SHANK2: variants seen among roughly 807,000 people sequenced by gnomAD.
The protein encoded by SHANK2 is SH3 and multiple ankyrin repeat domains 2.
In SHANK2, 43 loss-of-function variants were observed where a neutral mutation model predicts 133.7. That is an observed-to-expected ratio of 0.32 (90% confidence interval 0.25 to 0.41). SHANK2 has a LOEUF of 0.41. Ranked by LOEUF, SHANK2 falls within the 10% of genes least tolerant of loss-of-function variation. The probability of loss-of-function intolerance (pLI) is 1.00; values close to 1 mark genes in which losing one functional copy is unlikely to be tolerated. For synonymous variants in SHANK2, 1,017 were observed against 952.8 expected (o/e 1.07, Z -1.24); for missense variants, 1,994 against 2,235.8 (o/e 0.89, Z 2.18).
rs921699569 is a variant in SHANK2 at position 71,115,195 on chromosome 11, G to A, written c.412-1831C>T. 2.6e-5 allele frequency among the ~76,000 whole-genome samples: 4 copies of A among 152,302 alleles called. No individual in the cohort carries two copies. The South Asian group carries it at 6.2e-4, about 24-fold the overall frequency. On this transcript the variant is annotated intron_variant, in intron 4 of 25. Transcript: ENST00000601538. ...GTATCGGCATCAATTTTGGCCGGGC[G>A]TGGTGGCTCACGCCTGTAATCCCAG... is the stretch of plus-strand genomic sequence containing the variant.
intron 14 of SHANK2, among the ~76,000 whole-genome samples, chr11:70,737,682 AGCCCGG>A (rs1190197903): frequency 6.6e-6 from 1 of 152,204 alleles, no homozygotes; most frequent in African/African-American, 2.4e-5. Flanking sequence ...TAGGACGGGC[AGCCCGG>A]GGCAGGGCTG....
At chr11:70,855,556 T>C (rs1949156264) in intron 11 of SHANK2, among the ~76,000 whole-genome samples, 1 of 152,150 alleles carries the variant, frequency 6.6e-6, no homozygotes, top group Admixed American at 6.5e-5. Context: ...CTTCAACAGC[T>C]CCCATGGTTA....
At chr11:71,086,093 AAAT>A (rs1205329412) in intron 8 of SHANK2, among the ~76,000 whole-genome samples, 21 of 9,540 alleles carry the variant, frequency 2.2e-3, no homozygotes, top group Non-Finnish European at 4.5e-3. Context: ...ATAATATATT[AAAT>A]TATATAATAT....
chr11:70,614,793 T>TGGGGTGAGCCTCTGAGCCC (rs1554995446), intron 17 of SHANK2, among the ~76,000 whole-genome samples: 2 of 152,238 alleles, frequency 1.3e-5, no homozygotes, highest in East Asian at 1.9e-4. Context: ...CCTCTGAGCC[T>TGGGGTGAGCCTCTGAGCCC]GGGGTGAGCC....
chr11:70,588,483 G>T (rs560511556), intron 17 of SHANK2, among the ~76,000 whole-genome samples: 7 of 152,302 alleles, frequency 4.6e-5, no homozygotes, highest in African/African-American at 1.7e-4. Context: ...ATAAGAAACT[G>T]GAACAACCAT....
In SHANK2 at chr11:70,486,580, G is replaced by GCCTCCCCTTTGGGTC. The variant is rs2058809286; in HGVS notation, c.3698_3712dup (p.Gly1233_Glu1237dup). 1.2e-6 allele frequency: 2 copies of GCCTCCCCTTTGGGTC among 1,613,892 alleles called. No homozygotes were observed. Among genetic ancestry groups the GCCTCCCCTTTGGGTC allele is most frequent in the Admixed American group, 3.3e-5 (2 of 60,012 alleles). On this transcript the variant is annotated inframe_insertion, in exon 25 of 26. Coordinates refer to ENST00000601538, the MANE Select transcript of SHANK2 (RefSeq NM_012309.5). The surrounding 1 kb of genome is among the most constrained non-coding windows in gnomAD (Gnocchi z 8.0). ...AGGTTTGTTGAGGTCGGCCTTGGGG[G>GCCTCCCCTTTGGGTC]CCTCCCCTTTGGGTCCCTGTTGAGA... is the stretch of plus-strand genomic sequence containing the variant.
At chr11:71,077,912 C>G (rs903705491) in intron 8 of SHANK2, among the ~76,000 whole-genome samples, 6 of 152,228 alleles carry the variant, frequency 3.9e-5, no homozygotes, top group Admixed American at 1.3e-4. Context: ...TAGAAACTCA[C>G]GGTTCCTAAT....
At chr11:70,513,045 A>G (rs1332622621) in intron 17 of SHANK2, among the ~76,000 whole-genome samples, 3 of 152,358 alleles carry the variant, frequency 2.0e-5, no homozygotes, top group African/African-American at 7.2e-5. Flanking sequence ...CAAACCAACA[A>G]ATAAATTCTC....
chr11:70,520,151 C>T (rs1246797390), intron 17 of SHANK2, among the ~76,000 whole-genome samples: 4 of 152,140 alleles, frequency 2.6e-5, no homozygotes, highest in Non-Finnish European at 5.9e-5. Flanking sequence ...CACACTGTTT[C>T]CCCTATTATT....
chr11:70,518,180 G>C (rs2059288757), intron 17 of SHANK2, among the ~76,000 whole-genome samples: 1 of 152,174 alleles, frequency 6.6e-6, no homozygotes, highest in Non-Finnish European at 1.5e-5. Context: ...CAGCCCCTGG[G>C]GCGATCATAT....
At chr11:71,109,053 A>G (rs782578356) in intron 6 of SHANK2, among the ~76,000 whole-genome samples, 1 of 152,206 alleles carries the variant, frequency 6.6e-6, no homozygotes. Flanking sequence ...TGACACCAGT[A>G]TGTGATGATG....
chr11:71,061,467 G>C (rs908541899), intron 9 of SHANK2, among the ~76,000 whole-genome samples: 7 of 152,208 alleles, frequency 4.6e-5, no homozygotes, highest in Non-Finnish European at 1.0e-4. Context: ...ACCAGCTTCA[G>C]CACTGAGAGA....
rs1181006451 is a variant in SHANK2 at position 70,739,479 on chromosome 11, C to T, written c.1778-40716G>A. On this transcript the variant is annotated intron_variant, in intron 14 of 25. Transcript: ENST00000601538. The surrounding 1 kb of genome is among the most constrained non-coding windows in gnomAD (Gnocchi z 4.3). ...TGCCCCTGAAGTCTACCTGTGCCCA[C>T]GTGGGGAGGGTGTTTGTGCCTGTGC... 1.3e-5 allele frequency among the ~76,000 whole-genome samples: 2 copies of T among 152,182 alleles called. No individual in the cohort carries two copies. Among genetic ancestry groups the T allele is most frequent in the Admixed American group, 1.3e-4 (2 of 15,288 alleles).
In SHANK2 at chr11:70,810,999, T is replaced by A. The variant is rs368291751; in HGVS notation, c.1494-3828A>T. Among the ~76,000 whole-genome samples, 4 of 152,222 alleles carry A rather than the reference T, an allele frequency of 2.6e-5. No individual in the cohort carries two copies. The East Asian group carries it at 5.8e-4, about 22-fold the overall frequency. ...TTAGTCCTAGTGATGAGGTCACAGG[T>A]GGCCCCAGTGTCCCCTGGGCTGCAT... On this transcript the variant is annotated intron_variant, in intron 12 of 25. Coordinates refer to ENST00000601538, the MANE Select transcript of SHANK2 (RefSeq NM_012309.5).
chr11:70,675,884 G>A (rs781820451), intron 15 of SHANK2, among the ~76,000 whole-genome samples: 22 of 152,188 alleles, frequency 1.4e-4, no homozygotes, highest in Admixed American at 5.2e-4. Context: ...CTGGATAAAC[G>A]TTTACAGTTC....
At chr11:71,071,049 T>C (rs914770590) in intron 9 of SHANK2, among the ~76,000 whole-genome samples, 4 of 152,206 alleles carry the variant, frequency 2.6e-5, no homozygotes, top group Non-Finnish European at 4.4e-5. Context: ...TCAAATACCA[T>C]CTTGTCCACA....
At chr11:71,064,076 C>T (rs1951018301) in intron 9 of SHANK2, among the ~76,000 whole-genome samples, 1 of 152,304 alleles carries the variant, frequency 6.6e-6, no homozygotes, top group East Asian at 1.9e-4. Context: ...CAGACCCCAT[C>T]ATTTCCATTT....
intron 17 of SHANK2, among the ~76,000 whole-genome samples, chr11:70,540,743 G>A (rs934103787): frequency 3.3e-5 from 5 of 151,806 alleles, no homozygotes; most frequent in African/African-American, 7.2e-5. Context: ...GTGTGGTGGC[G>A]GGCGCCTGCA....
chr11:70,877,249 G>A (rs1307256680), intron 11 of SHANK2, among the ~76,000 whole-genome samples: 5 of 152,184 alleles, frequency 3.3e-5, no homozygotes, highest in Non-Finnish European at 5.9e-5. Context: ...CAGGTGTTCC[G>A]AGGGCCCCAG....
Sources: allele counts gnomAD v4.1 joint callset (sites outside exome capture counted in the v4.1 genomes callset), GRCh38; gene constraint gnomAD v4.1.1; non-coding constraint Gnocchi (gnomAD v3.1); transcripts MANE v1.5; gene names NCBI Gene and HGNC (gene_info 2026-07-23, HGNC 2026-07-21).